PSMD9: variants seen among roughly 807,000 people sequenced by gnomAD.
PSMD9 encodes 26S proteasome non-ATPase regulatory subunit 9.
A neutral mutation model predicts 25.9 loss-of-function variants in PSMD9; 26 were observed. The ratio of observed to expected loss-of-function variants is 1.00; its 90% CI spans 0.73 to 1.39. The LOEUF is 1.39. PSMD9 is among the 40% of genes most tolerant of loss of function. The pLI, the probability that PSMD9 is intolerant of heterozygous loss-of-function variation, is 0.00. For synonymous variants in PSMD9, 110 were observed against 114.5 expected (o/e 0.96, Z 0.25); for missense variants, 303 against 299.3 (o/e 1.01, Z -0.09).
chr12:121,901,833 G>A (rs993056127), intron 3 of PSMD9, among the ~76,000 whole-genome samples: 4 of 151,692 alleles, frequency 2.6e-5, no homozygotes, highest in Non-Finnish European at 4.4e-5. Context: ...CTGCCATCAC[G>A]TCCAGCTAAT....
intron 5 of PSMD9, 114 bp downstream of exon 5, chr12:121,916,058 T>C: frequency 7.9e-7 from 1 of 1,273,420 alleles, no homozygotes; most frequent in Non-Finnish European, 1.1e-6. Context: ...ATCCCCAGTT[T>C]GCATGGAAAC....
intron 3 of PSMD9, among the ~76,000 whole-genome samples, chr12:121,901,527 CT>C (rs948818998): frequency 2.9e-4 from 43 of 147,208 alleles, no homozygotes; most frequent in East Asian, 3.9e-4. Context: ...TTTTTATTTC[CT>C]TTTTTTTTTA....
At chr12:121,912,285 C>T (rs1879748115) in intron 4 of PSMD9, among the ~76,000 whole-genome samples, 1 of 152,044 alleles carries the variant, frequency 6.6e-6, no homozygotes, top group Admixed American at 6.6e-5. Flanking sequence ...CCCGTCTTGG[C>T]CTCCCAAAGT....
intron 4 of PSMD9, among the ~76,000 whole-genome samples, chr12:121,906,648 CAA>C (rs11289150): frequency 0.077 from 10,948 of 141,916 alleles, 830 homozygotes; most frequent in African/African-American, 0.2. Flanking sequence ...ACTAAAAATA[CAA>C]AAAAAAAAAA....
chr12:121,901,666 C>CTTTTTTTTTTTTT lies in PSMD9; in HGVS notation c.454-1325_454-1313dup, dbSNP rs563939839. 1.4e-3 allele frequency among the ~76,000 whole-genome samples: 132 copies of CTTTTTTTTTTTTT among 93,596 alleles called. 9 individuals are homozygous for CTTTTTTTTTTTTT. Among genetic ancestry groups the CTTTTTTTTTTTTT allele is most frequent in the African/African-American group, 2.8e-3 (48 of 16,980 alleles). 61.4% of individuals were successfully genotyped at this position (93,596 alleles called of 152,430 possible). On this transcript the variant is annotated intron_variant, in intron 3 of 5. Coordinates refer to ENST00000541212, the MANE Select transcript of PSMD9 (RefSeq NM_002813.7). ...TGTCATGCCTGGCCCTTCATTCCTT[C>CTTTTTTTTTTTTT]TTTTTTTTTTTTTTTTTTTTTTTTT...
chr12:121,904,127 G>A (rs1192800803), intron 4 of PSMD9, among the ~76,000 whole-genome samples: 1 of 152,110 alleles, frequency 6.6e-6, no homozygotes, highest in Non-Finnish European at 1.5e-5. Context: ...GCCCCTGCTA[G>A]TGGTCAGGCC....
At chr12:121,893,079 T>C (rs1879133546) in intron 1 of PSMD9, among the ~76,000 whole-genome samples, 1 of 152,178 alleles carries the variant, frequency 6.6e-6, no homozygotes. Flanking sequence ...ATATGTATTT[T>C]TGATTCAGGG....
intron 1 of PSMD9, among the ~76,000 whole-genome samples, chr12:121,890,762 GTGCCT>G (rs1210251482): frequency 1.3e-5 from 2 of 152,068 alleles, no homozygotes; most frequent in Non-Finnish European, 2.9e-5. Context: ...ATGAGCCACA[GTGCCT>G]TGCCCATAAA....
intron 2 of PSMD9, 144 bp downstream of exon 2, chr12:121,894,985 C>A: frequency 1.4e-6 from 1 of 693,176 alleles, no homozygotes; most frequent in Non-Finnish European, 2.5e-6. Flanking sequence ...GGACTGAGAA[C>A]CAAGGGAATG....
At chr12:121,909,687 C>T (rs1879661205) in intron 4 of PSMD9, among the ~76,000 whole-genome samples, 1 of 152,080 alleles carries the variant, frequency 6.6e-6, no homozygotes, top group Non-Finnish European at 1.5e-5. Flanking sequence ...GCATTTCCGC[C>T]CACTTCGAAG....
At chr12:121,897,057 G>T (rs1266327675) in intron 2 of PSMD9, among the ~76,000 whole-genome samples, 1 of 151,996 alleles carries the variant, frequency 6.6e-6, no homozygotes, top group Non-Finnish European at 1.5e-5. Flanking sequence ...CTCAGGCTGG[G>T]TGTAACCAAG....
At position 121,899,723 on chromosome 12, in the gene PSMD9, GA is replaced by G. The variant is rs1404610735; in HGVS notation, c.332del (p.Asp111AlafsTer10). 1.9e-6 allele frequency: 3 copies of G among 1,614,024 alleles called. No homozygotes were observed. The highest frequency in any genetic ancestry group is 2.5e-6 in the Non-Finnish European group (3 of 1,180,036). Reference protein sequence around the residue: ...HARDKEKQARDMAEAHKEAMS... With the variant: ...HARDKEKQARXMAEAHKEAMS... ...TCGCGACAAGGAGAAGCAGGCCCGGGACATGGCTGAGGCCCACAAAGAGGCC... is the reference window on the plus strand; with the variant it reads ...TCGCGACAAGGAGAAGCAGGCCCGGGCATGGCTGAGGCCCACAAAGAGGCC... On this transcript the variant is annotated frameshift_variant, in exon 3 of 6. Transcript: ENST00000541212. LOFTEE classifies it high-confidence loss of function.
intron 4 of PSMD9, among the ~76,000 whole-genome samples, chr12:121,912,828 A>T (rs1370992023): frequency 6.8e-6 from 1 of 146,798 alleles, no homozygotes; most frequent in South Asian, 2.2e-4. Context: ...GGATTGCATC[A>T]CTACACTCCA....
Position 121,888,871 on chromosome 12 carries a change from A to G in PSMD9, c.15A>G (p.Glu5=), listed in dbSNP as rs1265801215. The G allele has an allele frequency of 2.5e-6, 4 of 1,603,758 alleles. No homozygotes were observed. Among genetic ancestry groups the G allele is most frequent in the Non-Finnish European group, 3.4e-6 (4 of 1,176,086 alleles). Residue 5 remains glutamate (E), a synonymous_variant, in exon 1 of 6, where the codon GAA becomes GAG. Transcript: ENST00000541212. ...CGGGGTTCACGATGTCCGACGAGGA[A>G]GCGAGGCAGAGCGGAGGCTCCTCGC... MSDE[E]ARQSGGSSQA... is the part of the protein sequence containing the mutation.
At chr12:121,906,825 A>AG (rs1879571204) in intron 4 of PSMD9, among the ~76,000 whole-genome samples, 3 of 150,348 alleles carry the variant, frequency 2.0e-5, no homozygotes, top group South Asian at 4.2e-4. Context: ...TCAAAAAAAA[A>AG]AAAATTAGGT....
intron 4 of PSMD9, among the ~76,000 whole-genome samples, chr12:121,912,503 C>A (rs1879754487): frequency 6.6e-6 from 1 of 152,098 alleles, no homozygotes; most frequent in Admixed American, 6.6e-5. Flanking sequence ...ATTTTCATTT[C>A]TCTTATGATT....
At chr12:121,903,160 C>T (rs1264045509) in intron 4 of PSMD9, 53 bp downstream of exon 4, 4 of 1,429,990 alleles carry the variant, frequency 2.8e-6, no homozygotes, top group African/African-American at 2.8e-5. Flanking sequence ...TAACAGTATG[C>T]CATAGACTGC....
intron 1 of PSMD9, chr12:121,893,798 A>C (rs914291616): frequency 6.6e-6 from 1 of 152,164 alleles, no homozygotes; most frequent in Non-Finnish European, 1.5e-5. Flanking sequence ...ACTCTTTTTC[A>C]AATAAAGTCA....
chr12:121,900,899 C>T (rs551906453), intron 3 of PSMD9, among the ~76,000 whole-genome samples: 2 of 150,660 alleles, frequency 1.3e-5, no homozygotes, highest in East Asian at 2.0e-4. Flanking sequence ...GCAGGAGAAT[C>T]GCCTGAACCC....
Sources: allele counts gnomAD v4.1 joint callset (sites outside exome capture counted in the v4.1 genomes callset), GRCh38; gene constraint gnomAD v4.1.1; transcripts MANE v1.5; gene names NCBI Gene and HGNC (gene_info 2026-07-23, HGNC 2026-07-21).